Variants in CXorf38 observed in about 807,000 individuals in gnomAD.
CXorf38 encodes chromosome X open reading frame 38, also known as uncharacterized protein CXorf38.
A neutral mutation model predicts 27.5 loss-of-function variants in CXorf38; 13 were observed. The ratio of observed to expected loss-of-function variants is 0.47; its 90% CI spans 0.31 to 0.75. CXorf38 has a LOEUF of 0.75. Ranked by LOEUF, CXorf38 falls within the 30% of genes least tolerant of loss-of-function variation. CXorf38 has a pLI of 0.05. For missense variants in CXorf38, 240 were observed against 253.2 expected (o/e 0.95, Z 0.35); for synonymous variants, 100 against 99.8 (o/e 1.00, Z -0.01).
intron 5 of CXorf38, among the ~76,000 whole-genome samples, chrX:40,635,655 C>A (rs1375507187): frequency 8.9e-6 from 1 of 112,491 alleles, no homozygotes; most frequent in East Asian, 2.8e-4. Context: ...GGAGTTTAGA[C>A]CATCATTAGT....
rs755893260 is a variant in CXorf38 at position 40,632,985 on chromosome X, G to A, written c.802-2212C>T. ...CTACTGTTGGAGGTAAAAGACGCTCGGCAACTTCACTCTTCCAGTCACCTA... is the reference window on the plus strand; with the variant it reads ...CTACTGTTGGAGGTAAAAGACGCTCAGCAACTTCACTCTTCCAGTCACCTA... On this transcript the variant is annotated intron_variant, in intron 5 of 6. Coordinates refer to ENST00000327877, the MANE Select transcript of CXorf38 (RefSeq NM_144970.3). Among the ~76,000 whole-genome samples the A allele has an allele frequency of 1.9e-4, 21 of 111,568 alleles. No individual in the cohort carries two copies. The South Asian group carries it at 7.9e-3, about 42-fold the overall frequency.
Position 40,647,125 on chromosome X carries a change from T to C in CXorf38, c.233A>G (p.Gln78Arg), listed in dbSNP as rs1019310811. 1 of 1,210,367 alleles carries C rather than the reference T, an allele frequency of 8.3e-7. No homozygotes were observed. Among genetic ancestry groups the C allele is most frequent in the African/African-American group, 1.7e-5 (1 of 57,439 alleles). ...PRARQFQPQC[Q>R]VCAEWKREIL... The stretch of plus-strand genomic sequence containing the variant: ...CTCCCTTTTCCATTCAGCGCACACC[T>C]GACACTGAGGCTGAAACTACAGGGG... The change falls in exon 2 of 7, where the codon CAG becomes CGG. Residue 78 changes from glutamine (Q) to arginine (R), a missense_variant. Coordinates refer to ENST00000327877, the MANE Select transcript of CXorf38 (RefSeq NM_144970.3).
intron 2 of CXorf38, chrX:40,640,104 G>A (rs1181587269): frequency 3.7e-6 from 1 of 268,021 alleles, no homozygotes; most frequent in African/African-American, 2.9e-5. Context: ...CAGCACTTCG[G>A]GAGGCAAAAG....
At chrX:40,637,257 A>T in intron 3 of CXorf38, 101 bp from the exon 4 acceptor site, 1 of 605,774 alleles carries the variant, frequency 1.7e-6, no homozygotes, top group Non-Finnish European at 2.5e-6. Context: ...TTTGTTAATT[A>T]TAAAATCAAC....
intron 2 of CXorf38, among the ~76,000 whole-genome samples, chrX:40,642,674 G>C (rs975871775): frequency 8.9e-6 from 1 of 112,108 alleles, no homozygotes; most frequent in African/African-American, 3.2e-5. Context: ...AAGATAACAG[G>C]TATGAAACCT....
At chrX:40,631,254 T>TACACACAC (rs56725827) in intron 5 of CXorf38, among the ~76,000 whole-genome samples, 73 of 88,943 alleles carry the variant, frequency 8.2e-4, no homozygotes, top group African/African-American at 3.0e-3. Flanking sequence ...TATATATATA[T>TACACACAC]ACACACACAC....
intron 2 of CXorf38, among the ~76,000 whole-genome samples, chrX:40,643,088 T>C (rs1451565584): frequency 9.1e-6 from 1 of 109,465 alleles, no homozygotes; most frequent in Non-Finnish European, 1.9e-5. Context: ...GCCCGGCTAA[T>C]TTTTGTATTT....
chrX:40,645,172 CA>C (rs1258435442), intron 2 of CXorf38, among the ~76,000 whole-genome samples: 1 of 110,999 alleles, frequency 9.0e-6, no homozygotes, highest in Non-Finnish European at 1.9e-5. Context: ...GGGTTGGGGG[CA>C]GGGGTGCATG....
rs751453538 is a variant in CXorf38 at position 40,647,075 on chromosome X, T to C, written c.283A>G (p.Asn95Asp). Reference protein sequence around the residue: ...REILRHHVNRNGDVHWGNCRP... With the variant: ...REILRHHVNRDGDVHWGNCRP... Reference sequence around the variant, plus strand: ...CAGTTTCCCCAGTGCACATCTCCATTTCTGTTGACATGATGTCTCAAAATC... The same window carrying C: ...CAGTTTCCCCAGTGCACATCTCCATCTCTGTTGACATGATGTCTCAAAATC... The change falls in exon 2 of 7, where the codon AAT becomes GAT. Residue 95 changes from asparagine to aspartate, a missense_variant. Transcript: ENST00000327877. 21 of 1,210,564 alleles carry C rather than the reference T, an allele frequency of 1.7e-5. No individual in the cohort carries two copies. Among genetic ancestry groups the C allele is most frequent in the Non-Finnish European group, 2.2e-5 (20 of 895,038 alleles).
intron 5 of CXorf38, among the ~76,000 whole-genome samples, chrX:40,635,930 T>C (rs1046931722): frequency 8.9e-6 from 1 of 112,454 alleles, no homozygotes; most frequent in Non-Finnish European, 1.9e-5. Flanking sequence ...GTTAACTTTC[T>C]AAAAGCTATA....
At chrX:40,642,103 G>C in intron 2 of CXorf38, among the ~76,000 whole-genome samples, 1 of 111,347 alleles carries the variant, frequency 9.0e-6, no homozygotes, top group Middle Eastern at 4.6e-3. Flanking sequence ...AGGAGAGGGT[G>C]AGAGTTGTGA....
At chrX:40,632,539 T>G (rs1226852980) in intron 5 of CXorf38, among the ~76,000 whole-genome samples, 1 of 111,571 alleles carries the variant, frequency 9.0e-6, no homozygotes, top group Non-Finnish European at 1.9e-5. Flanking sequence ...AGAGGTGTTC[T>G]GGCTGGGGTG....
chrX:40,642,409 G>A, intron 2 of CXorf38, among the ~76,000 whole-genome samples: 1 of 111,758 alleles, frequency 8.9e-6, no homozygotes. Context: ...AACTCCACAG[G>A]CCTGGACAAT....
chrX:40,633,916 G>A (rs1169767998), intron 5 of CXorf38, among the ~76,000 whole-genome samples: 3 of 110,949 alleles, frequency 2.7e-5, no homozygotes, highest in African/African-American at 9.9e-5. Context: ...GGTGGCAGCC[G>A]AATTCTGGGG....
chrX:40,640,421 C>T (rs1928269426), intron 2 of CXorf38: 1 of 214,537 alleles, frequency 4.7e-6, no homozygotes, highest in East Asian at 1.5e-4. Context: ...CAAGCAACTA[C>T]AATGCCTCCT....
chrX:40,631,552 C>T (rs1370396204), intron 5 of CXorf38, among the ~76,000 whole-genome samples: 6 of 111,296 alleles, frequency 5.4e-5, no homozygotes, highest in South Asian at 7.5e-4. Flanking sequence ...GTGATTCGCC[C>T]GCCTCGGCCT....
At chrX:40,644,406 T>C (rs146120343) in intron 2 of CXorf38, among the ~76,000 whole-genome samples, 2,405 of 111,469 alleles carry the variant, frequency 0.022, 23 homozygotes, top group Middle Eastern at 0.065. Flanking sequence ...TGGAGATTAG[T>C]TGGTGTTGGC....
At chrX:40,647,198 C>G (rs1928633307) in intron 1 of CXorf38, 57 bp from the exon 2 acceptor site, 1 of 1,194,645 alleles carries the variant, frequency 8.4e-7, no homozygotes, top group Non-Finnish European at 1.1e-6. Flanking sequence ...CGGTGGGCCC[C>G]GCATCGCGGA....
At chrX:40,642,007 T>C (rs1406009240) in intron 2 of CXorf38, among the ~76,000 whole-genome samples, 1 of 111,743 alleles carries the variant, frequency 8.9e-6, no homozygotes, top group Non-Finnish European at 1.9e-5. Context: ...GCAAGGGTTA[T>C]AGAACGATCT....
Sources: allele counts gnomAD v4.1 joint callset (sites outside exome capture counted in the v4.1 genomes callset), GRCh38; gene constraint gnomAD v4.1.1; transcripts MANE v1.5; gene names NCBI Gene and HGNC (gene_info 2026-07-23, HGNC 2026-07-21).